Variants in RPS6KA2 observed in about 807,000 individuals in gnomAD.
RPS6KA2 encodes ribosomal protein S6 kinase A2, also known as ribosomal protein S6 kinase alpha-2.
In RPS6KA2, 42 loss-of-function variants were observed where a neutral mutation model predicts 91.8. The ratio of observed to expected loss-of-function variants is 0.46; its 90% CI spans 0.36 to 0.59. The LOEUF (loss-of-function observed/expected upper bound fraction) is 0.59. Among genes scored for constraint, RPS6KA2 ranks in the 20% least tolerant of loss-of-function variants. The probability of loss-of-function intolerance (pLI) is 0.00; values close to 1 mark genes in which losing one functional copy is unlikely to be tolerated. For synonymous variants in RPS6KA2, 414 were observed against 393.6 expected, an observed-to-expected ratio of 1.05 and a Z score of -0.61; for missense variants, 798 against 978.5, an observed-to-expected ratio of 0.82 and a Z score of 2.46.
chr6:166,517,464 T>TGG (rs1387598618), intron 3 of RPS6KA2, among the ~76,000 whole-genome samples: 2 of 55,262 alleles, frequency 3.6e-5, no homozygotes, highest in African/African-American at 9.9e-5. Flanking sequence ...TGTTTTTTTT[T>TGG]TTTTTTTTTT....
chr6:166,621,931 C>G (rs1786651630), intron 1 of RPS6KA2, among the ~76,000 whole-genome samples: 1 of 152,218 alleles, frequency 6.6e-6, no homozygotes, highest in Admixed American at 6.5e-5. Context: ...ATACTTCTCC[C>G]ACCCACTATT....
rs1167167904 is a variant in RPS6KA2, at chr6:166,563,076, G to C, written c.100-24292C>G. On this transcript the variant is annotated intron_variant, in intron 1 of 20. Coordinates refer to ENST00000265678, the MANE Select transcript of RPS6KA2 (RefSeq NM_021135.6). The surrounding 1 kb of genome is among the most constrained non-coding windows in gnomAD (Gnocchi z 4.1). ...AGTGTGGGAAACACAAGCTCTTCTA[G>C]CTTTTAGTCCTTGGAGTCCCTTCCA... Among the ~76,000 whole-genome samples, 1 of 152,220 alleles carries C rather than the reference G, an allele frequency of 6.6e-6. No individual in the cohort carries two copies. The highest frequency in any genetic ancestry group is 2.4e-5 in the African/African-American group (1 of 41,454).
chr6:166,496,819 G>C (rs1052384281), intron 8 of RPS6KA2, among the ~76,000 whole-genome samples: 1 of 152,228 alleles, frequency 6.6e-6, no homozygotes, highest in Non-Finnish European at 1.5e-5. Flanking sequence ...GTTCTCAGGA[G>C]GGGGTTTAAG....
chr6:166,779,824 G>A (rs571015191), intron 2 of RPS6KA2, among the ~76,000 whole-genome samples: 1 of 152,300 alleles, frequency 6.6e-6, no homozygotes, highest in African/African-American at 2.4e-5. Flanking sequence ...TAACGGCAAG[G>A]CTGGGGCTAG....
Position 166,459,421 on chromosome 6 carries a change from C to T in RPS6KA2, c.1075+28G>A, listed in dbSNP as rs368338095. The stretch of plus-strand genomic sequence containing the variant: ...TAAGGGGTCAGGTGGGAGAAGCCAC[C>T]GATAGAGGGAACCACTGTGGCACAC... On this transcript the variant is annotated intron_variant, in intron 12 of 20. Coordinates refer to ENST00000265678, the MANE Select transcript of RPS6KA2 (RefSeq NM_021135.6). The surrounding 1 kb of genome is among the most constrained non-coding windows in gnomAD (Gnocchi z 4.9). The T allele has an allele frequency of 1.0e-5, 15 of 1,500,724 alleles. No homozygotes were observed. The highest frequency in any genetic ancestry group is 9.1e-5 in the South Asian group (8 of 87,860). 93.0% of individuals were successfully genotyped at this position (1,500,724 alleles called of 1,614,324 possible).
chr6:166,553,718 CTG>C (rs1784091840), intron 1 of RPS6KA2, among the ~76,000 whole-genome samples: 1 of 152,064 alleles, frequency 6.6e-6, no homozygotes, highest in Non-Finnish European at 1.5e-5. Context: ...GATACCATTG[CTG>C]AGCCAAACAC....
At chr6:166,606,864 G>A (rs1785972051) in intron 1 of RPS6KA2, among the ~76,000 whole-genome samples, 1 of 152,180 alleles carries the variant, frequency 6.6e-6, no homozygotes, top group African/African-American at 2.4e-5. Flanking sequence ...ATCTCGGCTG[G>A]GCATGGTGGC....
At chr6:166,467,469 G>A (rs1456140941) in intron 11 of RPS6KA2, among the ~76,000 whole-genome samples, 1 of 152,246 alleles carries the variant, frequency 6.6e-6, no homozygotes, top group Non-Finnish European at 1.5e-5. Flanking sequence ...GGGGGCTGGG[G>A]TGCTGGGAGA....
In RPS6KA2 at chr6:166,418,480, A is replaced by T. The variant is rs1006044197; in HGVS notation, c.1821-138T>A. 4.3e-6 allele frequency: 3 copies of T among 701,938 alleles called. No homozygotes were observed. The highest frequency in any genetic ancestry group is 3.6e-5 in the African/African-American group (2 of 55,080). 43.5% of individuals were successfully genotyped at this position (701,938 alleles called of 1,614,324 possible). ...CTCCTCTGCTCTGAAGCCAGGATTC[A>T]TGGGAAAGCGGAACTTACCTCTAAC... On this transcript the variant is annotated intron_variant, in intron 18 of 20. Coordinates refer to ENST00000265678, the MANE Select transcript of RPS6KA2 (RefSeq NM_021135.6). This position sits in a 1 kb window ranked among gnomAD's most constrained non-coding sequence, Gnocchi z 4.9.
At position 166,707,209 on chromosome 6, in the gene RPS6KA2, C is replaced by T. The variant is rs558266020; in HGVS notation, c.123+150991G>A. ...ACCCTTTGTGCAATGCCGGGGTTGC[C>T]GGGAAGGGGGCAGCTCTGCTCTCTG... On this transcript the variant is annotated intron_variant, in intron 2 of 21. Coordinates refer to the RPS6KA2 transcript ENST00000503859. 9.0e-4 allele frequency among the ~76,000 whole-genome samples: 137 copies of T among 152,286 alleles called. 1 individual carries two copies. In the South Asian group the frequency reaches 0.028, roughly 31 times the overall value.
At chr6:166,750,633 C>T (rs1183091730) in intron 2 of RPS6KA2, among the ~76,000 whole-genome samples, 1 of 152,200 alleles carries the variant, frequency 6.6e-6, no homozygotes, top group African/African-American at 2.4e-5. Flanking sequence ...AGGTGCCACC[C>T]GAGCCCGAGC....
intron 2 of RPS6KA2, among the ~76,000 whole-genome samples, chr6:166,706,571 T>C (rs1217501150): frequency 6.6e-6 from 1 of 152,210 alleles, no homozygotes; most frequent in Non-Finnish European, 1.5e-5. Flanking sequence ...GTCATGAAGA[T>C]GAAGAACGAG....
chr6:166,420,956 CG>C (rs1423090969), intron 17 of RPS6KA2, among the ~76,000 whole-genome samples: 1 of 152,192 alleles, frequency 6.6e-6, no homozygotes, highest in African/African-American at 2.4e-5. Flanking sequence ...AATATCGAGT[CG>C]GGAGAGCTCG....
At chr6:166,650,188 G>A (rs554672726) in intron 2 of RPS6KA2, among the ~76,000 whole-genome samples, 5 of 149,618 alleles carry the variant, frequency 3.3e-5, no homozygotes, top group African/African-American at 4.9e-5. Context: ...TGTACCACAA[G>A]ATGCTGAGCC....
At position 166,701,246 on chromosome 6, in the gene RPS6KA2, C is replaced by A. The variant is rs191261909; in HGVS notation, c.123+156954G>T. On this transcript the variant is annotated intron_variant, in intron 2 of 21. Coordinates refer to the RPS6KA2 transcript ENST00000503859. ...TTGACAACCACTTGGTCATTCTCAT[C>A]AGGTGTCTGGTCACAAGGGACAACA... 2.0e-5 allele frequency: 32 copies of A among 1,612,224 alleles called. No homozygotes were observed. The East Asian group carries it at 6.7e-4, about 34-fold the overall frequency.
chr6:166,435,935 C>T lies in RPS6KA2; in HGVS notation c.1333-3445G>A, dbSNP rs1163100751. Among the ~76,000 whole-genome samples, 3 of 152,216 alleles carry T rather than the reference C, an allele frequency of 2.0e-5. No homozygotes were observed. Among genetic ancestry groups the T allele is most frequent in the African/African-American group, 7.2e-5 (3 of 41,458 alleles). ...CTGAGCCCCAGCTGAGACCTGGCCT[C>T]CCTGTCCACTCCCTGTGGGGTTGCA... is the stretch of plus-strand genomic sequence containing the variant. On this transcript the variant is annotated intron_variant, in intron 14 of 20. Coordinates refer to ENST00000265678, the MANE Select transcript of RPS6KA2 (RefSeq NM_021135.6). The surrounding 1 kb of genome is among the most constrained non-coding windows in gnomAD (Gnocchi z 4.3).
At chr6:166,701,522 C>A (rs1306091885) in intron 2 of RPS6KA2, 2 of 1,436,634 alleles carry the variant, frequency 1.4e-6, no homozygotes, top group Non-Finnish European at 2.0e-6. Context: ...TTACTTGAAG[C>A]TCCAGCAAAG....
At chr6:166,660,575 A>G (rs1056589181) in intron 2 of RPS6KA2, among the ~76,000 whole-genome samples, 3 of 152,218 alleles carry the variant, frequency 2.0e-5, no homozygotes, top group Non-Finnish European at 2.9e-5. Context: ...GATAAATTCT[A>G]TTTGAAGAAA....
chr6:166,475,793 T>A (rs4373344), intron 10 of RPS6KA2: 171,595 of 531,532 alleles, frequency 0.32, 30,719 homozygotes, highest in African/African-American at 0.56. Context: ...CTCAGAAGCC[T>A]AGGAGCCTGG....
Sources: allele counts gnomAD v4.1 joint callset (sites outside exome capture counted in the v4.1 genomes callset), GRCh38; gene constraint gnomAD v4.1.1; non-coding constraint Gnocchi (gnomAD v3.1); transcripts MANE v1.5; gene names NCBI Gene and HGNC (gene_info 2026-07-23, HGNC 2026-07-21).